CPT1A: variants seen among roughly 807,000 people sequenced by gnomAD.
CPT1A encodes carnitine O-palmitoyltransferase 1, liver isoform.
A neutral mutation model predicts 100.8 loss-of-function variants in CPT1A; 64 were observed. That is an observed-to-expected ratio of 0.63 (90% CI 0.52 to 0.78). CPT1A has a LOEUF of 0.78. CPT1A is among the 30% of genes least tolerant of loss of function. The pLI is 0.00. For missense variants in CPT1A, 802 were observed against 1,034.1 expected (o/e 0.78, Z 3.08); for synonymous variants, 363 against 396.0 (o/e 0.92, Z 0.99).
chr11:68,774,247 G>A (rs1473945262), intron 13 of CPT1A, among the ~76,000 whole-genome samples: 1 of 151,938 alleles, frequency 6.6e-6, no homozygotes, highest in Non-Finnish European at 1.5e-5. Flanking sequence ...AGTCAAATTC[G>A]TTCTGAGAAG....
In CPT1A at chr11:68,759,657, G is replaced by A. The variant is rs763836957; in HGVS notation, c.2147C>T (p.Ala716Val). 5 of 1,609,346 alleles carry A rather than the reference G, an allele frequency of 3.1e-6. No homozygotes were observed. The highest frequency in any genetic ancestry group is 4.3e-6 in the Non-Finnish European group (5 of 1,175,718). The change falls in exon 18 of 19, where the codon GCT becomes GTT. Residue 716 changes from alanine to valine, a missense_variant. Physicochemically the swap from Ala to Val is moderately conservative, Grantham distance 64. This residue lies in a region of CPT1A where 627 missense variants were observed against 799.3 expected (regional missense o/e 0.78). Coordinates refer to ENST00000265641, the MANE Select transcript of CPT1A (RefSeq NM_001876.4). ...VSSGGGFGPV[A>V]DDGYGVSYIL... ...GTACGACACACCATAGCCGTCATCA[G>A]CAACCTGGAGGACAAGGGAATTTGA... is the stretch of plus-strand genomic sequence containing the variant.
At chr11:68,831,382 A>C (rs1038941290) in intron 1 of CPT1A, among the ~76,000 whole-genome samples, 1 of 152,208 alleles carries the variant, frequency 6.6e-6, no homozygotes, top group African/African-American at 2.4e-5. Context: ...ACGCCCAAGG[A>C]AAATGGAGAT....
chr11:68,775,294 T>C (rs768320572), intron 13 of CPT1A, 22 bp downstream of exon 13: 2 of 1,560,570 alleles, frequency 1.3e-6, no homozygotes, highest in South Asian at 2.2e-5. Context: ...TAAGTAACAA[T>C]GGTTGGATAA....
At position 68,835,281 on chromosome 11, in the gene CPT1A, A is replaced by G. The variant is rs1856981909; in HGVS notation, c.-14+6494T>C. 5.9e-5 allele frequency among the ~76,000 whole-genome samples: 9 copies of G among 152,282 alleles called. No homozygotes were observed. In the South Asian group the frequency reaches 1.9e-3, roughly 32 times the overall value. ...GCACTCGGGCAGGAGCTCAGACTGCAAGGAGGAGACCTGCACCTGCCCAAA... is the reference window on the plus strand; with the variant it reads ...GCACTCGGGCAGGAGCTCAGACTGCGAGGAGGAGACCTGCACCTGCCCAAA... On this transcript the variant is annotated intron_variant, in intron 1 of 18. Coordinates refer to ENST00000265641, the MANE Select transcript of CPT1A (RefSeq NM_001876.4).
At chr11:68,815,670 A>G (rs570014925) in intron 1 of CPT1A, among the ~76,000 whole-genome samples, 183 bp from the exon 2 acceptor site, 2 of 152,336 alleles carry the variant, frequency 1.3e-5, no homozygotes, top group South Asian at 4.1e-4. Context: ...GTCCACCGCT[A>G]CAAAGACAGT....
At chr11:68,770,793 GCACTTC>G (rs1275974521) in intron 14 of CPT1A, among the ~76,000 whole-genome samples, 1 of 152,196 alleles carries the variant, frequency 6.6e-6, no homozygotes, top group Non-Finnish European at 1.5e-5. Context: ...GAGGGTCTCT[GCACTTC>G]CATTCATGCG....
chr11:68,794,715 A>T, intron 8 of CPT1A, 89 bp downstream of exon 8: 1 of 1,181,154 alleles, frequency 8.5e-7, no homozygotes, highest in Non-Finnish European at 1.3e-6. Flanking sequence ...CCGGCCACAA[A>T]CTGTATATTT....
rs115737932 is a variant in CPT1A, at chr11:68,807,990, G to A, written c.282-352C>T. 2.3e-3 allele frequency among the ~76,000 whole-genome samples: 352 copies of A among 152,354 alleles called. 3 individuals carry two copies. The highest frequency in any genetic ancestry group is 8.1e-3 in the African/African-American group (335 of 41,592). ...CTGGAAAAAGATACAGCTTCCTCCA[G>A]GACCTCAGGACCAACGGCAGAGGGG... On this transcript the variant is annotated intron_variant, in intron 3 of 18. Transcript: ENST00000265641.
intron 1 of CPT1A, among the ~76,000 whole-genome samples, chr11:68,838,574 A>AAAAAAAAAAAAAAAAAAAC: frequency 2.2e-5 from 3 of 138,650 alleles, no homozygotes; most frequent in East Asian, 4.2e-4. Flanking sequence ...CACCTTTTTA[A>AAAAAAAAAAAAAAAAAAAC]AAAAAAAAAA....
Position 68,841,616 on chromosome 11 carries a change from C to A in CPT1A, c.-14+159G>T, listed in dbSNP as rs1215161626. ...GGGTTCAGGATCTCCACAACCCCGC[C>A]GTCCGGGGGGAATACCGGGGTTCCT... On this transcript the variant is annotated intron_variant, in intron 1 of 18. Coordinates refer to ENST00000265641, the MANE Select transcript of CPT1A (RefSeq NM_001876.4). This position sits in a 1 kb window ranked among gnomAD's most constrained non-coding sequence, Gnocchi z 6.3. Among the ~76,000 whole-genome samples, 1 of 152,150 alleles carries A rather than the reference C, an allele frequency of 6.6e-6. No individual in the cohort carries two copies. The highest frequency in any genetic ancestry group is 3.2e-3 in the Middle Eastern group (1 of 316).
rs942796290 is a variant in CPT1A at position 68,794,654 on chromosome 11, G to A, written c.879+150C>T. On this transcript the variant is annotated intron_variant, in intron 8 of 18. Transcript: ENST00000265641. Reference sequence around the variant, plus strand: ...TTGAACTGCTAACCTCAGATGATCCGCCTGCTTTGGCCTCCCAAAGTGCCA... The same window carrying A: ...TTGAACTGCTAACCTCAGATGATCCACCTGCTTTGGCCTCCCAAAGTGCCA... 171 of 700,148 alleles carry A rather than the reference G, an allele frequency of 2.4e-4. No individual in the cohort carries two copies. Among genetic ancestry groups the A allele is most frequent in the South Asian group, 1.7e-4 (11 of 65,498 alleles). 43.4% of individuals were successfully genotyped at this position (700,148 alleles called of 1,614,324 possible). A position where few individuals can be genotyped will look rare whatever the true frequency, so the allele number is the denominator to read the frequency against.
rs1051521469 is a variant in CPT1A at position 68,757,560 on chromosome 11, C to T, written c.*84G>A. The T allele has an allele frequency of 2.5e-5, 40 of 1,605,030 alleles. No individual in the cohort carries two copies. Among genetic ancestry groups the T allele is most frequent in the East Asian group, 4.5e-5 (2 of 44,416 alleles). ...TTTTTTTAAGAGCAGTGTTTCATCC[C>T]GAGCTAAGGTCAGGATTAATGCCTA... On this transcript the variant is annotated 3_prime_UTR_variant, in exon 19 of 19. Transcript: ENST00000265641.
At chr11:68,781,703 C>T in intron 11 of CPT1A, 68 bp downstream of exon 11, 1 of 1,331,574 alleles carries the variant, frequency 7.5e-7, no homozygotes, top group South Asian at 1.2e-5. Context: ...GGGTGAGTGT[C>T]AGGCACACAG....
intron 8 of CPT1A, 25 bp from the exon 9 acceptor site, chr11:68,793,427 C>G (rs778386836): frequency 6.3e-7 from 1 of 1,575,388 alleles, no homozygotes; most frequent in East Asian, 2.3e-5. Flanking sequence ...TATTTCAAAC[C>G]AACAACGAAA....
At chr11:68,757,790 G>T in intron 18 of CPT1A, 60 bp from the exon 19 acceptor site, 1 of 1,413,540 alleles carries the variant, frequency 7.1e-7, no homozygotes. Context: ...CACATTTCAA[G>T]CTTTTTCATT....
rs185783123 is a variant in CPT1A, at chr11:68,840,686, T to C, written c.-14+1089A>G. Reference sequence around the variant, plus strand: ...AAGATCGGCCCTCATCTTTGAGTTCTGCGGCTTTAACGAAAGCCAAGGGCG... The same window carrying C: ...AAGATCGGCCCTCATCTTTGAGTTCCGCGGCTTTAACGAAAGCCAAGGGCG... On this transcript the variant is annotated intron_variant, in intron 1 of 18. Coordinates refer to ENST00000265641, the MANE Select transcript of CPT1A (RefSeq NM_001876.4). Among the ~76,000 whole-genome samples the C allele has an allele frequency of 4.5e-3, 690 of 152,380 alleles. 8 individuals are homozygous for C. Among genetic ancestry groups the C allele is most frequent in the African/African-American group, 0.016 (663 of 41,590 alleles).
chr11:68,799,344 C>T lies in CPT1A; in HGVS notation c.567G>A (p.Ser189=), dbSNP rs1366738895. Residue 189 remains serine (S), a synonymous_variant, in exon 6 of 19, where the codon TCG becomes TCA. Coordinates refer to ENST00000265641, the MANE Select transcript of CPT1A (RefSeq NM_001876.4). ...VKDTVNRYLQ[S]VRPLMKEEDF... ...CTTCTTCCTTCATAAGAGGCCTCAC[C>T]GACTGTAGATACTGGGATTATTGGG... is the stretch of plus-strand genomic sequence containing the variant. 5.6e-6 allele frequency: 9 copies of T among 1,613,750 alleles called. No individual in the cohort carries two copies. The highest frequency in any genetic ancestry group is 5.5e-5 in the South Asian group (5 of 91,070).
chr11:68,775,407 T>C lies in CPT1A; in HGVS notation c.1484A>G (p.Gln495Arg), dbSNP rs1238321480. The stretch of plus-strand genomic sequence containing the variant: ...GTGCCCATCCTCCGCATAGCCCAGC[T>C]GGAGGCTGTCAATGGACATGACGTA... Reference protein sequence around the residue: ...WEYVMSIDSLQLGYAEDGHCK... With the variant: ...WEYVMSIDSLRLGYAEDGHCK... The change falls in exon 13 of 19, where the codon CAG (glutamine) becomes CGG (arginine). Residue 495 changes from glutamine to arginine, a missense_variant. By Grantham distance (43) the Gln-to-Arg change is conservative. Coordinates refer to ENST00000265641, the MANE Select transcript of CPT1A (RefSeq NM_001876.4). 1 of 1,614,122 alleles carries C rather than the reference T, an allele frequency of 6.2e-7. No homozygotes were observed. The highest frequency in any genetic ancestry group is 8.5e-7 in the Non-Finnish European group (1 of 1,179,940).
chr11:68,802,892 G>C (rs1040378622), intron 5 of CPT1A, among the ~76,000 whole-genome samples: 1 of 110,534 alleles, frequency 9.0e-6, no homozygotes, highest in African/African-American at 3.7e-5. Flanking sequence ...GTGAGACCCT[G>C]TCTCAAAAAA....
Sources: allele counts gnomAD v4.1 joint callset (sites outside exome capture counted in the v4.1 genomes callset), GRCh38; gene constraint gnomAD v4.1.1; regional missense constraint gnomAD v4.1.1; non-coding constraint Gnocchi (gnomAD v3.1); transcripts MANE v1.5; gene names NCBI Gene and HGNC (gene_info 2026-07-23, HGNC 2026-07-21).